Variants in ARMH4 observed in about 807,000 individuals in gnomAD.
ARMH4 encodes armadillo like helical domain containing 4.
A neutral mutation model predicts 61.9 loss-of-function variants in ARMH4; 49 were observed. The ratio of observed to expected loss-of-function variants is 0.79; its 90% CI spans 0.63 to 1.00. The LOEUF is 1.00. Among genes scored for constraint, ARMH4 ranks in the 50% least tolerant of loss-of-function variants. ARMH4 has a pLI of 0.00. For missense variants in ARMH4, 934 were observed against 930.0 expected, an observed-to-expected ratio of 1.00 and a Z score of -0.06; for synonymous variants, 368 against 341.5, an observed-to-expected ratio of 1.08 and a Z score of -0.85.
At chr14:58,098,998 T>C (rs60356995) in intron 4 of ARMH4, among the ~76,000 whole-genome samples, 13,717 of 152,174 alleles carry the variant, frequency 0.09, 955 homozygotes, top group African/African-American at 0.19. Flanking sequence ...GAGGTAGTCA[T>C]ATCGGGGATG....
At chr14:58,133,565 GAA>G (rs1887201448) in intron 2 of ARMH4, among the ~76,000 whole-genome samples, 1 of 152,110 alleles carries the variant, frequency 6.6e-6, no homozygotes, top group Non-Finnish European at 1.5e-5. Flanking sequence ...GAAGTTCATG[GAA>G]AAAGCTAAAA....
At chr14:58,121,444 G>A (rs969028904) in intron 4 of ARMH4, among the ~76,000 whole-genome samples, 9 of 152,112 alleles carry the variant, frequency 5.9e-5, no homozygotes, top group Non-Finnish European at 7.4e-5. Flanking sequence ...AATTCCCTGT[G>A]GCAGGAAAGC....
intron 5 of ARMH4, among the ~76,000 whole-genome samples, chr14:58,073,170 T>C (rs1884940134): frequency 6.6e-6 from 1 of 152,036 alleles, no homozygotes; most frequent in Non-Finnish European, 1.5e-5. Flanking sequence ...CCCATAAAAA[T>C]ATGGCAACTC....
At position 58,138,475 on chromosome 14, in the gene ARMH4, T is replaced by C; in HGVS notation, c.884A>G (p.Glu295Gly). Residue 295 changes from glutamate to glycine, a missense_variant, in exon 2 of 8, where the codon GAA becomes GGA. By Grantham distance (98) the Glu-to-Gly change is moderately conservative. Coordinates refer to ENST00000267485, the MANE Select transcript of ARMH4 (RefSeq NM_001001872.4). Reference protein sequence around the residue: ...PETDSLLGAPEVTVSVSTAVP... With the variant: ...PETDSLLGAPGVTVSVSTAVP... ...AGCTGTGCTGACACTCACTGTGACT[T>C]CTGGGGCTCCCAGCAGACTATCAGT... is the stretch of plus-strand genomic sequence containing the variant. 1 of 1,614,248 alleles carries C rather than the reference T, an allele frequency of 6.2e-7. No individual in the cohort carries two copies. Among genetic ancestry groups the C allele is most frequent in the Non-Finnish European group, 8.5e-7 (1 of 1,180,046 alleles).
At chr14:58,059,771 A>G (rs529638997) in intron 5 of ARMH4, among the ~76,000 whole-genome samples, 2 of 152,290 alleles carry the variant, frequency 1.3e-5, no homozygotes, top group African/African-American at 4.8e-5. Flanking sequence ...AATGCATAGG[A>G]AAAATTTTAC....
rs764759740 is a variant in ARMH4 at position 58,138,417 on chromosome 14, CCACTCAT to C, written c.935_941del (p.Asp312GlyfsTer6). The C allele has an allele frequency of 1.9e-6, 3 of 1,614,068 alleles. No individual in the cohort carries two copies. The highest frequency in any genetic ancestry group is 1.7e-5 in the Admixed American group (1 of 59,998). ...TTACACTCTCTAATTTGGTGTCATCCCACTCATCACTTAAGGCAGAGGCAGCTGGAAC... is the reference window on the plus strand; with the variant it reads ...TTACACTCTCTAATTTGGTGTCATCCCACTTAAGGCAGAGGCAGCTGGAAC... On this transcript the variant is annotated frameshift_variant, in exon 2 of 8. Transcript: ENST00000267485. LOFTEE classifies it high-confidence loss of function.
rs1885774239 is a variant in ARMH4, at chr14:58,096,941, TTCA to T, written c.1869_1871del (p.Asp623del). The T allele has an allele frequency of 1.9e-5, 31 of 1,612,912 alleles. No homozygotes were observed. In the East Asian group the frequency reaches 6.9e-4, roughly 36 times the overall value. On this transcript the variant is annotated inframe_deletion, in exon 5 of 8. Transcript: ENST00000267485. Reference sequence around the variant, plus strand: ...CTTCCTCATCTTCCTCTTCTTCATCTTCATCTTCTTCATCCTCTTCATCCTCAT... The same window carrying T: ...CTTCCTCATCTTCCTCTTCTTCATCTTCTTCTTCATCCTCTTCATCCTCAT...
intron 5 of ARMH4, among the ~76,000 whole-genome samples, chr14:58,022,505 T>C (rs768674675): frequency 2.0e-5 from 3 of 152,166 alleles, no homozygotes; most frequent in Non-Finnish European, 2.9e-5. Context: ...ATTTCTGACA[T>C]GTGTTCTACA....
intron 1 of ARMH4, among the ~76,000 whole-genome samples, chr14:58,143,821 C>G (rs147528483): frequency 7.3e-6 from 1 of 136,836 alleles, no homozygotes; most frequent in Admixed American, 8.0e-5. Context: ...TCACCCAGGT[C>G]GGAGTTTGAT....
rs1304074929 is a variant in ARMH4 at position 58,001,181 on chromosome 14, A to C, written c.*3555T>G. 3 of 152,368 alleles carry C rather than the reference A, an allele frequency of 2.0e-5. No individual in the cohort carries two copies. The highest frequency in any genetic ancestry group is 6.5e-5 in the Admixed American group (1 of 15,308). 9.4% of individuals were successfully genotyped at this position (152,368 alleles called of 1,614,324 possible). A position where few individuals can be genotyped will look rare whatever the true frequency, so the allele number is the denominator to read the frequency against. The stretch of plus-strand genomic sequence containing the variant: ...TGTATATCCATATTGTCACAATGAC[A>C]GAATTTCCTTATTTCCTATGGCTGA... On this transcript the variant is annotated 3_prime_UTR_variant, in exon 8 of 8. Coordinates refer to ENST00000267485, the MANE Select transcript of ARMH4 (RefSeq NM_001001872.4).
intron 2 of ARMH4, among the ~76,000 whole-genome samples, chr14:58,135,477 G>A (rs1173365920): frequency 2.0e-5 from 3 of 152,046 alleles, no homozygotes; most frequent in African/African-American, 4.8e-5. Flanking sequence ...ATATGCAGGC[G>A]CTATTTGTAA....
At chr14:58,064,590 A>G (rs1017924078) in intron 5 of ARMH4, among the ~76,000 whole-genome samples, 2 of 152,222 alleles carry the variant, frequency 1.3e-5, no homozygotes, top group Non-Finnish European at 2.9e-5. Flanking sequence ...CAATGTGACA[A>G]AGAATGTAAA....
chr14:58,054,707 G>A (rs920113822), intron 5 of ARMH4, among the ~76,000 whole-genome samples: 1 of 151,910 alleles, frequency 6.6e-6, no homozygotes, highest in Admixed American at 6.6e-5. Context: ...AGACCAGCCT[G>A]GCCAACATGG....
At chr14:58,039,842 T>C (rs1419195960) in intron 5 of ARMH4, among the ~76,000 whole-genome samples, 2 of 152,162 alleles carry the variant, frequency 1.3e-5, no homozygotes, top group Non-Finnish European at 2.9e-5. Context: ...GGGTATCATG[T>C]AGAACTGCAG....
At chr14:58,045,576 C>T (rs1465553320) in intron 5 of ARMH4, among the ~76,000 whole-genome samples, 3 of 150,736 alleles carry the variant, frequency 2.0e-5, no homozygotes, top group African/African-American at 7.3e-5. Flanking sequence ...CAAACCTGCA[C>T]GTTCTGCACA....
intron 1 of ARMH4, among the ~76,000 whole-genome samples, chr14:58,149,344 GACAA>G (rs1887850235): frequency 6.6e-6 from 1 of 152,164 alleles, no homozygotes; most frequent in South Asian, 2.1e-4. Flanking sequence ...ATAGCTGAAT[GACAA>G]ACAATCCTTT....
At chr14:58,006,633 T>C (rs1273183515) in intron 6 of ARMH4, among the ~76,000 whole-genome samples, 1 of 152,132 alleles carries the variant, frequency 6.6e-6, no homozygotes, top group East Asian at 1.9e-4. Context: ...TAAGTATTTT[T>C]CCCCAAGAAA....
At chr14:58,005,528 C>T (rs1447926863) in intron 6 of ARMH4, among the ~76,000 whole-genome samples, 2 of 152,028 alleles carry the variant, frequency 1.3e-5, no homozygotes, top group South Asian at 2.1e-4. Flanking sequence ...TCTGAGAATG[C>T]CAGGACTACT....
intron 5 of ARMH4, among the ~76,000 whole-genome samples, chr14:58,018,540 A>C (rs1882699280): frequency 6.6e-6 from 1 of 152,158 alleles, no homozygotes; most frequent in Non-Finnish European, 1.5e-5. Flanking sequence ...TAATTTGCTT[A>C]TCAGTGAAAA....
Sources: allele counts gnomAD v4.1 joint callset (sites outside exome capture counted in the v4.1 genomes callset), GRCh38; gene constraint gnomAD v4.1.1; transcripts MANE v1.5; gene names NCBI Gene and HGNC (gene_info 2026-07-23, HGNC 2026-07-21).